The following RBFOX1 variants were observed in gnomAD, a reference collection of about 807,000 sequenced individuals.
RBFOX1 encodes the protein RNA binding fox-1 homolog 1.
A neutral mutation model predicts 57.7 loss-of-function variants in RBFOX1; 8 were observed. The ratio of observed to expected loss-of-function variants is 0.14; its 90% CI spans 0.08 to 0.25. The LOEUF (loss-of-function observed/expected upper bound fraction) is 0.25. RBFOX1 is among the 10% of genes least tolerant of loss of function. The pLI, the probability that RBFOX1 is intolerant of heterozygous loss-of-function variation, is 1.00. For synonymous variants in RBFOX1, 326 were observed against 222.4 expected (o/e 1.47, Z -4.15); for missense variants, 611 against 548.5 (o/e 1.11, Z -1.14).
At chr16:5,344,541 T>C (rs997130568) in intron 1 of RBFOX1, among the ~76,000 whole-genome samples, 2 of 152,230 alleles carry the variant, frequency 1.3e-5, no homozygotes, top group African/African-American at 2.4e-5. Context: ...ATACTTGCTT[T>C]CACTTTAGGT....
At chr16:6,529,216 C>G (rs564646196) in intron 2 of RBFOX1, among the ~76,000 whole-genome samples, 3 of 152,218 alleles carry the variant, frequency 2.0e-5, no homozygotes, top group Admixed American at 1.3e-4. Flanking sequence ...TTGTAAACTA[C>G]TTTTCAAATA....
chr16:6,518,597 A>T (rs566001030), intron 2 of RBFOX1, among the ~76,000 whole-genome samples: 1 of 152,106 alleles, frequency 6.6e-6, no homozygotes, highest in Non-Finnish European at 1.5e-5. Context: ...TGAAATTCAG[A>T]CCACTTACTG....
At position 7,032,276 on chromosome 16, in the gene RBFOX1, C is replaced by A. The variant is rs894640190; in HGVS notation, c.-15-19781C>A. Reference sequence around the variant, plus strand: ...CCCATCTCTACTAAAAAAACAAAAACAAAAACAAAACAAAAAAATTTAGCT... The same window carrying A: ...CCCATCTCTACTAAAAAAACAAAAAAAAAAACAAAACAAAAAAATTTAGCT... On this transcript the variant is annotated intron_variant, in intron 3 of 15. Coordinates refer to ENST00000550418, the MANE Select transcript of RBFOX1 (RefSeq NM_018723.4). 2.0e-5 allele frequency among the ~76,000 whole-genome samples: 3 copies of A among 151,658 alleles called. 1 individual carries two copies. The South Asian group carries it at 6.3e-4, about 32-fold the overall frequency.
At chr16:6,941,005 C>G (rs1053560068) in intron 3 of RBFOX1, among the ~76,000 whole-genome samples, 1 of 151,850 alleles carries the variant, frequency 6.6e-6, no homozygotes, top group Non-Finnish European at 1.5e-5. Context: ...CCACACCCGG[C>G]CCCCCTTATC....
At chr16:7,100,166 C>A (rs1326149123) in intron 4 of RBFOX1, among the ~76,000 whole-genome samples, 2 of 151,398 alleles carry the variant, frequency 1.3e-5, no homozygotes, top group African/African-American at 2.4e-5. Context: ...GCAGAGAAAA[C>A]AAAATTGAAG....
chr16:6,682,647 A>T (rs894623065), intron 3 of RBFOX1, among the ~76,000 whole-genome samples: 1 of 151,960 alleles, frequency 6.6e-6, no homozygotes, highest in African/African-American at 2.4e-5. Flanking sequence ...TCCTTCTCCC[A>T]TTGAGACAAC....
At chr16:5,827,687 C>T (rs1202362745) in intron 3 of RBFOX1, among the ~76,000 whole-genome samples, 2 of 152,138 alleles carry the variant, frequency 1.3e-5, no homozygotes, top group African/African-American at 4.8e-5. Flanking sequence ...TAGATGGCAA[C>T]CCCTGCTTTG....
At chr16:7,394,616 T>A (rs1443835086) in intron 4 of RBFOX1, among the ~76,000 whole-genome samples, 1 of 152,118 alleles carries the variant, frequency 6.6e-6, no homozygotes, top group Non-Finnish European at 1.5e-5. Flanking sequence ...CTCCAACGGG[T>A]GCCACTACAG....
chr16:5,403,349 C>CAAA (rs767830099), intron 1 of RBFOX1, among the ~76,000 whole-genome samples: 56 of 82,084 alleles, frequency 6.8e-4, no homozygotes, highest in Middle Eastern at 9.4e-3. Flanking sequence ...AACGCTGTCT[C>CAAA]AAAAAAAAAA....
chr16:6,555,746 T>C (rs2097089328), intron 2 of RBFOX1, among the ~76,000 whole-genome samples: 1 of 152,048 alleles, frequency 6.6e-6, no homozygotes, highest in African/African-American at 2.4e-5. Flanking sequence ...TATCATTCCA[T>C]CTATTGTGTG....
At chr16:7,508,839 C>T (rs911042417) in intron 4 of RBFOX1, among the ~76,000 whole-genome samples, 1 of 152,210 alleles carries the variant, frequency 6.6e-6, no homozygotes, top group Non-Finnish European at 1.5e-5. Context: ...AAACCCCATC[C>T]ATTCCTTCCA....
At chr16:5,287,111 C>T (rs546012816) in intron 1 of RBFOX1, among the ~76,000 whole-genome samples, 1 of 152,216 alleles carries the variant, frequency 6.6e-6, no homozygotes, top group African/African-American at 2.4e-5. Flanking sequence ...TTGAAACTAA[C>T]TTGGGCAATA....
chr16:7,437,888 T>G (rs2098735471), intron 4 of RBFOX1, among the ~76,000 whole-genome samples: 1 of 147,922 alleles, frequency 6.8e-6, no homozygotes, highest in Non-Finnish European at 1.5e-5. Flanking sequence ...GAATATAGGG[T>G]CATATTAGAC....
At chr16:6,582,777 C>G (rs1163454877) in intron 2 of RBFOX1, among the ~76,000 whole-genome samples, 1 of 151,336 alleles carries the variant, frequency 6.6e-6, no homozygotes, top group Non-Finnish European at 1.5e-5. Flanking sequence ...TTTCCTTCCT[C>G]TTTCCCTTCC....
At chr16:6,711,640 A>G (rs1447086064) in intron 3 of RBFOX1, among the ~76,000 whole-genome samples, 1 of 152,102 alleles carries the variant, frequency 6.6e-6, no homozygotes, top group Admixed American at 6.5e-5. Context: ...AAGTTTCTCG[A>G]GGCTTCCCCA....
chr16:6,853,924 G>A (rs1030184962), intron 3 of RBFOX1, among the ~76,000 whole-genome samples: 3 of 152,114 alleles, frequency 2.0e-5, no homozygotes, highest in Non-Finnish European at 4.4e-5. Flanking sequence ...AGCTCTTCCT[G>A]GGTAGTAGCC....
intron 10 of RBFOX1, among the ~76,000 whole-genome samples, chr16:7,624,050 G>GT (rs2059710138): frequency 6.6e-6 from 1 of 152,186 alleles, no homozygotes; most frequent in Non-Finnish European, 1.5e-5. Flanking sequence ...CAAATAGCTT[G>GT]TTTTTCATCT....
chr16:6,694,277 G>T (rs916238072), intron 3 of RBFOX1, among the ~76,000 whole-genome samples: 1 of 152,156 alleles, frequency 6.6e-6, no homozygotes. Flanking sequence ...GTTGGTGTGT[G>T]AGTCAATTTT....
chr16:5,843,935 T>C (rs1406239941), intron 3 of RBFOX1, among the ~76,000 whole-genome samples: 1 of 152,164 alleles, frequency 6.6e-6, no homozygotes, highest in Non-Finnish European at 1.5e-5. Flanking sequence ...AATTTTCCTA[T>C]CAGAAAAGTC....
Sources: allele counts gnomAD v4.1 joint callset (sites outside exome capture counted in the v4.1 genomes callset), GRCh38; gene constraint gnomAD v4.1.1; transcripts MANE v1.5; gene names NCBI Gene and HGNC (gene_info 2026-07-23, HGNC 2026-07-21).